EFL1: variants seen among roughly 807,000 people sequenced by gnomAD.
The protein encoded by EFL1 is elongation factor-like GTPase 1.
In EFL1, 76 loss-of-function variants were observed where a neutral mutation model predicts 126.7. The observed-to-expected ratio is 0.60, with a 90% CI of 0.50 to 0.73. The LOEUF (loss-of-function observed/expected upper bound fraction) is 0.73, where lower values mean the gene tolerates loss of function less well. Among genes scored for constraint, EFL1 ranks in the 30% least tolerant of loss-of-function variants. EFL1 has a pLI of 0.00. For synonymous variants in EFL1, 410 were observed against 448.4 expected, an observed-to-expected ratio of 0.91 and a Z score of 1.08; for missense variants, 1,128 against 1,343.2, an observed-to-expected ratio of 0.84 and a Z score of 2.50.
At chr15:82,191,047 T>C (rs2074354712) in intron 15 of EFL1, among the ~76,000 whole-genome samples, 2 of 151,962 alleles carry the variant, frequency 1.3e-5, no homozygotes, top group African/African-American at 4.8e-5. Context: ...GGGGGGAGTT[T>C]ATTTTGTCAA....
intron 15 of EFL1, among the ~76,000 whole-genome samples, chr15:82,180,359 C>CAAAAAA (rs71156028): frequency 2.5e-5 from 3 of 120,602 alleles, no homozygotes; most frequent in South Asian, 2.9e-4. Flanking sequence ...ATTAAACTGG[C>CAAAAAA]AAAAAAAAAA....
intron 19 of EFL1, 86 bp downstream of exon 19, chr15:82,138,572 T>C: frequency 6.7e-7 from 1 of 1,488,698 alleles, no homozygotes; most frequent in Non-Finnish European, 9.1e-7. Context: ...TGGCATGATC[T>C]GTGTTGTTTG....
Position 82,228,314 on chromosome 15 carries a change from T to A in EFL1, c.946A>T (p.Ile316Phe). The change falls in exon 10 of 20, where the codon ATT (isoleucine) becomes TTT (phenylalanine). Residue 316 changes from isoleucine (I) to phenylalanine (F), a missense_variant. Coordinates refer to ENST00000268206, the MANE Select transcript of EFL1 (RefSeq NM_024580.6). The part of the protein sequence containing the change: ...DAVLKKDKDK[I>F]DKIVTSLGLK... ...CCTAAAGAAGTCACTATTTTATCAA[T>A]TTTGTCTTTGTCCCTGTGGTAAACA... The A allele has an allele frequency of 6.2e-7, 1 of 1,613,714 alleles. No individual in the cohort carries two copies. The highest frequency in any genetic ancestry group is 8.5e-7 in the Non-Finnish European group (1 of 1,179,854).
chr15:82,159,546 C>G (rs1029055068), intron 16 of EFL1, among the ~76,000 whole-genome samples: 1 of 151,110 alleles, frequency 6.6e-6, no homozygotes. Context: ...AAAATGTTGC[C>G]GCTGACAGCT....
At chr15:82,262,375 C>T (rs1371573958) in intron 1 of EFL1, 2 of 161,866 alleles carry the variant, frequency 1.2e-5, no homozygotes, top group Admixed American at 1.3e-4. Context: ...AACCTCTACA[C>T]TACATGCCCT....
rs1486210031 is a variant in EFL1 at position 82,230,474 on chromosome 15, AAGAC to A, written c.855+370_855+373del. 6.6e-5 allele frequency among the ~76,000 whole-genome samples: 10 copies of A among 152,204 alleles called. No homozygotes were observed. In the East Asian group the frequency reaches 1.7e-3, roughly 26 times the overall value. On this transcript the variant is annotated intron_variant, in intron 8 of 19. Transcript: ENST00000268206. ...AGATAAGGCCTCAGCTGACACTAGA[AAGAC>A]AGTGTGAACCATACAGGGATGTCTA...
chr15:82,228,311 C>T lies in EFL1; in HGVS notation c.949G>A (p.Asp317Asn). The T allele has an allele frequency of 6.2e-7, 1 of 1,613,734 alleles. No homozygotes were observed. Among genetic ancestry groups the T allele is most frequent in the South Asian group, 1.1e-5 (1 of 90,998 alleles). The change falls in exon 10 of 20, where the codon GAT becomes AAT. Residue 317 changes from aspartate (D) to asparagine (N), a missense_variant. Physicochemically the swap from Asp to Asn is conservative, Grantham distance 23 (BLOSUM62 1). Coordinates refer to ENST00000268206, the MANE Select transcript of EFL1 (RefSeq NM_024580.6). ...AATCCTAAAGAAGTCACTATTTTAT[C>T]AATTTTGTCTTTGTCCCTGTGGTAA... Reference protein sequence around the residue: ...AVLKKDKDKIDKIVTSLGLKI... With the variant: ...AVLKKDKDKINKIVTSLGLKI...
chr15:82,254,820 G>A (rs1337805183), intron 3 of EFL1, among the ~76,000 whole-genome samples: 1 of 152,174 alleles, frequency 6.6e-6, no homozygotes, highest in East Asian at 1.9e-4. Context: ...CTGGAGAAAG[G>A]AGGAGGAGGT....
At chr15:82,182,779 C>T (rs1000278069) in intron 15 of EFL1, among the ~76,000 whole-genome samples, 2 of 151,462 alleles carry the variant, frequency 1.3e-5, no homozygotes, top group African/African-American at 4.9e-5. Flanking sequence ...GAACCGAGAT[C>T]GCGCCACTGT....
chr15:82,240,707 A>G (rs2074922390), intron 5 of EFL1, 152 bp from the exon 6 acceptor site: 7 of 843,218 alleles, frequency 8.3e-6, no homozygotes, highest in Non-Finnish European at 1.3e-5. Flanking sequence ...GGAGTAGCAA[A>G]GAACTACACA....
chr15:82,137,080 C>T (rs181719730), intron 19 of EFL1, among the ~76,000 whole-genome samples: 7 of 151,778 alleles, frequency 4.6e-5, no homozygotes, highest in Admixed American at 6.6e-5. Context: ...AGCAACTTCA[C>T]TTGCATCAAT....
At chr15:82,145,023 G>C (rs540937397) in intron 18 of EFL1, among the ~76,000 whole-genome samples, 1 of 151,564 alleles carries the variant, frequency 6.6e-6, no homozygotes, top group African/African-American at 2.4e-5. Context: ...AAACAGCGAG[G>C]CCAGGCACGG....
At chr15:82,243,727 AGT>A (rs1567077147) in intron 4 of EFL1, among the ~76,000 whole-genome samples, 17 of 140,832 alleles carry the variant, frequency 1.2e-4, no homozygotes, top group African/African-American at 4.4e-4. Context: ...TTTAGGGAAT[AGT>A]CAGAAAAACG....
chr15:82,146,638 C>G lies in EFL1; in HGVS notation c.2989+4827G>C, dbSNP rs867951970. 1.4e-4 allele frequency among the ~76,000 whole-genome samples: 21 copies of G among 147,394 alleles called. No individual in the cohort carries two copies. The South Asian group carries it at 2.6e-3, about 18-fold the overall frequency. On this transcript the variant is annotated intron_variant, in intron 18 of 19. Transcript: ENST00000268206. ...AAAAAAAAAAAAAAAGCCAGACTGA[C>G]TCTAAATGTAACTTCTTTTAAGGCA...
At chr15:82,172,482 G>C (rs959190062) in intron 15 of EFL1, among the ~76,000 whole-genome samples, 1 of 152,152 alleles carries the variant, frequency 6.6e-6, no homozygotes, top group Non-Finnish European at 1.5e-5. Flanking sequence ...CCAGTGCTTT[G>C]CATGTGTGAA....
At chr15:82,236,678 T>C (rs1001687972) in intron 7 of EFL1, among the ~76,000 whole-genome samples, 4 of 151,930 alleles carry the variant, frequency 2.6e-5, no homozygotes, top group Admixed American at 2.6e-4. Context: ...AAAAATTAAC[T>C]CAAAATGGGT....
At chr15:82,178,307 T>C (rs1213189075) in intron 15 of EFL1, among the ~76,000 whole-genome samples, 3 of 152,190 alleles carry the variant, frequency 2.0e-5, no homozygotes, top group Non-Finnish European at 4.4e-5. Context: ...TCCACACCAG[T>C]TCATACGGGG....
At chr15:82,139,742 A>G (rs765038668) in intron 18 of EFL1, among the ~76,000 whole-genome samples, 2 of 152,366 alleles carry the variant, frequency 1.3e-5, no homozygotes, top group Middle Eastern at 3.4e-3. Flanking sequence ...TTAGTTACAT[A>G]AGTGATCTAT....
chr15:82,162,601 T>C (rs551543691), intron 16 of EFL1, among the ~76,000 whole-genome samples: 12 of 152,156 alleles, frequency 7.9e-5, no homozygotes, highest in Non-Finnish European at 1.5e-4. Context: ...ATGGGATAAA[T>C]CCGTGTAGCA....
Sources: allele counts gnomAD v4.1 joint callset (sites outside exome capture counted in the v4.1 genomes callset), GRCh38; gene constraint gnomAD v4.1.1; transcripts MANE v1.5; gene names NCBI Gene and HGNC (gene_info 2026-07-23, HGNC 2026-07-21).